Variants in AZI2 observed in about 807,000 individuals in gnomAD.
The protein encoded by AZI2 is 5-azacytidine-induced protein 2.
Under a neutral mutation model 45.8 loss-of-function variants are expected in AZI2, and 22 were observed. The ratio of observed to expected loss-of-function variants is 0.48; its 90% CI spans 0.34 to 0.69. The LOEUF (loss-of-function observed/expected upper bound fraction) is 0.69, where lower values mean the gene tolerates loss of function less well. Ranked by LOEUF, AZI2 falls within the 30% of genes least tolerant of loss-of-function variation. The pLI, the probability that AZI2 is intolerant of heterozygous loss-of-function variation, is 0.01. For missense variants in AZI2, 417 were observed against 441.5 expected (o/e 0.94, Z 0.50); for synonymous variants, 137 against 156.7 (o/e 0.87, Z 0.94).
Position 28,340,718 on chromosome 3 carries a change from A to T in AZI2, c.-5-96T>A. On this transcript the variant is annotated intron_variant, in intron 1 of 7. Transcript: ENST00000479665. ...TTAAGAATAATGTAAATACTAGGAC[A>T]ATGTTTAAAAACCAGACTGCCTGGG... 3 of 955,360 alleles carry T rather than the reference A, an allele frequency of 3.1e-6. No individual in the cohort carries two copies. The Admixed American group carries it at 8.3e-5, about 27-fold the overall frequency. 59.2% of individuals were successfully genotyped at this position (955,360 alleles called of 1,614,324 possible).
At position 28,322,895 on chromosome 3, in the gene AZI2, T is replaced by C. The variant is rs1488932551; in HGVS notation, c.*1147A>G. 1 of 151,146 alleles carries C rather than the reference T, an allele frequency of 6.6e-6. No homozygotes were observed. The highest frequency in any genetic ancestry group is 1.5e-5 in the Non-Finnish European group (1 of 67,382). The allele number at this position is 151,146 out of a possible 1,614,324, so 9.4% of individuals were successfully genotyped here. ...CAAAAAGGATAAAAGTCCTCCTACA[T>C]GAAATACTTTAATTCAGGCAAAAGG... On this transcript the variant is annotated 3_prime_UTR_variant, in exon 8 of 8. Coordinates refer to ENST00000479665, the MANE Select transcript of AZI2 (RefSeq NM_022461.5).
chr3:28,327,848 A>G (rs1026892709), intron 6 of AZI2, among the ~76,000 whole-genome samples: 3 of 150,860 alleles, frequency 2.0e-5, no homozygotes, highest in South Asian at 4.1e-4. Flanking sequence ...ACTAAATCTT[A>G]TAACATTAAA....
At chr3:28,329,447 A>C (rs1310076022) in intron 6 of AZI2, among the ~76,000 whole-genome samples, 1 of 151,176 alleles carries the variant, frequency 6.6e-6, no homozygotes, top group Non-Finnish European at 1.5e-5. Flanking sequence ...TCTCAGTATA[A>C]AACTTCACAT....
chr3:28,337,816 C>T, intron 4 of AZI2, 121 bp downstream of exon 4: 1 of 526,950 alleles, frequency 1.9e-6, no homozygotes, highest in Non-Finnish European at 3.1e-6. Context: ...TTAACATAAA[C>T]CTAAAAATTA....
chr3:28,340,331 AT>A, intron 2 of AZI2, 70 bp downstream of exon 2: 1 of 1,055,464 alleles, frequency 9.5e-7, no homozygotes, highest in Non-Finnish European at 1.4e-6. Flanking sequence ...GACAAAAAGT[AT>A]TCAAAATTTC....
At chr3:28,325,857 C>T (rs1703367427) in intron 7 of AZI2, among the ~76,000 whole-genome samples, 1 of 150,886 alleles carries the variant, frequency 6.6e-6, no homozygotes, top group African/African-American at 2.4e-5. Context: ...GCTAAAACAC[C>T]ATACTATTTT....
chr3:28,333,452 C>A (rs1398201657), intron 5 of AZI2, among the ~76,000 whole-genome samples: 1 of 151,612 alleles, frequency 6.6e-6, no homozygotes, highest in Non-Finnish European at 1.5e-5. Context: ...CTGTGCCTTA[C>A]AGGAAATAAT....
At chr3:28,334,144 A>T (rs1361651343) in intron 5 of AZI2, among the ~76,000 whole-genome samples, 2 of 151,510 alleles carry the variant, frequency 1.3e-5, no homozygotes, top group African/African-American at 2.4e-5. Context: ...ATATTTAAAA[A>T]ACAAACAAAC....
At chr3:28,338,425 T>C (rs1703882540) in intron 3 of AZI2, 68 bp downstream of exon 3, 12 of 1,453,234 alleles carry the variant, frequency 8.3e-6, no homozygotes, top group Non-Finnish European at 1.1e-5. Context: ...TTACTTCTAA[T>C]TTTAAACCTC....
At chr3:28,338,376 T>G (rs982657940) in intron 3 of AZI2, 117 bp downstream of exon 3, 21 of 1,148,454 alleles carry the variant, frequency 1.8e-5, no homozygotes, top group Non-Finnish European at 2.2e-5. Context: ...GCCTTGAACA[T>G]GTATACAAAA....
rs763444616 is a variant in AZI2 at position 28,323,204 on chromosome 3, CTTT to C, written c.*835_*837del. On this transcript the variant is annotated 3_prime_UTR_variant, in exon 8 of 8. Coordinates refer to ENST00000479665, the MANE Select transcript of AZI2 (RefSeq NM_022461.5). ...GCTGTAGTCTCTTTGAAGAAAATGA[CTTT>C]TTATCATTACACACATTTATGTTTA... 2 of 151,080 alleles carry C rather than the reference CTTT, an allele frequency of 1.3e-5. No individual in the cohort carries two copies. Among genetic ancestry groups the C allele is most frequent in the African/African-American group, 2.4e-5 (1 of 41,286 alleles). The allele number at this position is 151,080 out of a possible 1,614,324, so 9.4% of individuals were successfully genotyped here. A position where few individuals can be genotyped will look rare whatever the true frequency, so the allele number is the denominator to read the frequency against.
At chr3:28,330,591 T>C (rs189582035) in intron 6 of AZI2, among the ~76,000 whole-genome samples, 17 of 151,204 alleles carry the variant, frequency 1.1e-4, no homozygotes, top group African/African-American at 4.1e-4. Context: ...CAAAACAAAA[T>C]GCAGTGGAGA....
At position 28,323,111 on chromosome 3, in the gene AZI2, T is replaced by A. The variant is rs1432229958; in HGVS notation, c.*931A>T. ...TAATAATTTTAAATCACTTTCTCAA[T>A]AAATAGAATATTACATTTCAACACA... On this transcript the variant is annotated 3_prime_UTR_variant, in exon 8 of 8. Coordinates refer to ENST00000479665, the MANE Select transcript of AZI2 (RefSeq NM_022461.5). The A allele has an allele frequency of 2.0e-5, 3 of 151,154 alleles. No homozygotes were observed. In the East Asian group the frequency reaches 5.8e-4, roughly 29 times the overall value. 9.4% of individuals were successfully genotyped at this position (151,154 alleles called of 1,614,324 possible). A position where few individuals can be genotyped will look rare whatever the true frequency, so the allele number is the denominator to read the frequency against.
intron 1 of AZI2, among the ~76,000 whole-genome samples, chr3:28,347,552 T>C (rs1247051214): frequency 6.6e-6 from 1 of 152,144 alleles, no homozygotes; most frequent in Non-Finnish European, 1.5e-5. Context: ...ATTTCAGAGA[T>C]AAGGAAAATG....
At chr3:28,332,020 A>AG in intron 6 of AZI2, 1 of 940,952 alleles carries the variant, frequency 1.1e-6, no homozygotes, top group Non-Finnish European at 1.6e-6. Context: ...ATGGCCAAGT[A>AG]GGCTCTTAAG....
At chr3:28,324,698 T>C (rs1451665318) in intron 7 of AZI2, 51 of 349,242 alleles carry the variant, frequency 1.5e-4, no homozygotes, top group Non-Finnish European at 1.5e-5. Context: ...TCTTTCCTTG[T>C]CTGCAGAATG....
At chr3:28,342,440 G>A (rs1349830567) in intron 1 of AZI2, among the ~76,000 whole-genome samples, 1 of 151,864 alleles carries the variant, frequency 6.6e-6, no homozygotes, top group Non-Finnish European at 1.5e-5. Context: ...CAAAAAAGTG[G>A]CGGATTCTCA....
chr3:28,321,607 A>G lies in AZI2; in HGVS notation c.*2435T>C, dbSNP rs1703191225. The G allele has an allele frequency of 6.6e-6, 1 of 151,268 alleles. No homozygotes were observed. Among genetic ancestry groups the G allele is most frequent in the South Asian group, 2.1e-4 (1 of 4,822 alleles). The allele number at this position is 151,268 out of a possible 1,614,324, so 9.4% of individuals were successfully genotyped here. On this transcript the variant is annotated 3_prime_UTR_variant, in exon 8 of 8. Coordinates refer to ENST00000479665, the MANE Select transcript of AZI2 (RefSeq NM_022461.5). ...TATTATTCCCTGTTAATATGTGGTA[A>G]CCCACAGGTTTTTTACCCCTTAAGA...
chr3:28,324,409 G>A lies in AZI2; in HGVS notation c.812C>T (p.Thr271Ile). 2.0e-5 allele frequency: 31 copies of A among 1,542,116 alleles called. No individual in the cohort carries two copies. The highest frequency in any genetic ancestry group is 2.7e-5 in the Non-Finnish European group (31 of 1,143,396). ...GCSEDLGRDS[T>I]KLHLMNFTAT... Reference sequence around the variant, plus strand: ...AGTAAAATTCATCAAGTGCAGTTTTGTGCTGTCTCTTCCAAGGTCTTCACT... The same window carrying A: ...AGTAAAATTCATCAAGTGCAGTTTTATGCTGTCTCTTCCAAGGTCTTCACT... The change falls in exon 8 of 8, where the codon ACA becomes ATA. Residue 271 changes from threonine to isoleucine, a missense_variant. By Grantham distance (89) the Thr-to-Ile change is moderately conservative. Transcript: ENST00000479665.
Sources: allele counts gnomAD v4.1 joint callset (sites outside exome capture counted in the v4.1 genomes callset), GRCh38; gene constraint gnomAD v4.1.1; transcripts MANE v1.5; gene names NCBI Gene and HGNC (gene_info 2026-07-23, HGNC 2026-07-21).